The following SAMD12 variants were observed in gnomAD, a reference collection of about 807,000 sequenced individuals.
SAMD12 encodes the protein sterile alpha motif domain containing 12.
Under a neutral mutation model 15.0 loss-of-function variants are expected in SAMD12, and 9 were observed. The ratio of observed to expected loss-of-function variants is 0.60; its 90% CI spans 0.36 to 1.05. SAMD12 has a LOEUF of 1.05. Ranked by LOEUF, SAMD12 falls within the 50% of genes least tolerant of loss-of-function variation. SAMD12 has a pLI of 0.01. For synonymous variants in SAMD12, 86 were observed against 90.1 expected (o/e 0.96, Z 0.25); for missense variants, 230 against 234.2 (o/e 0.98, Z 0.12).
chr8:118,512,213 A>G (rs960385627), intron 2 of SAMD12, among the ~76,000 whole-genome samples: 47 of 152,198 alleles, frequency 3.1e-4, no homozygotes, highest in African/African-American at 1.1e-3. Flanking sequence ...AACTTCCAGG[A>G]AAGAGACATT....
chr8:118,344,921 C>T (rs1048464081), intron 4 of SAMD12, among the ~76,000 whole-genome samples: 1 of 152,108 alleles, frequency 6.6e-6, no homozygotes, highest in Non-Finnish European at 1.5e-5. Context: ...TGTAACATTA[C>T]AGTACTATTA....
chr8:118,210,765 C>T (rs1425138234), intron 4 of SAMD12, among the ~76,000 whole-genome samples: 1 of 152,114 alleles, frequency 6.6e-6, no homozygotes, highest in African/African-American at 2.4e-5. Context: ...ATCCTTCTGC[C>T]CAAATTCTAC....
intron 4 of SAMD12, among the ~76,000 whole-genome samples, chr8:118,366,581 G>C (rs993778170): frequency 6.6e-6 from 1 of 152,066 alleles, no homozygotes; most frequent in Non-Finnish European, 1.5e-5. Flanking sequence ...GGGAGGCCAA[G>C]GTGGGTGGAT....
intron 1 of SAMD12, among the ~76,000 whole-genome samples, chr8:118,593,641 G>A (rs1245828107): frequency 1.3e-5 from 2 of 152,138 alleles, no homozygotes; most frequent in Admixed American, 1.3e-4. Context: ...ATTGAATAGT[G>A]CAAGTTTGAA....
chr8:118,320,816 T>TAAAAA (rs200542019), intron 4 of SAMD12, among the ~76,000 whole-genome samples: 1 of 146,676 alleles, frequency 6.8e-6, no homozygotes, highest in African/African-American at 2.5e-5. Context: ...TAAAGTATAA[T>TAAAAA]AAAAATATAT....
At chr8:118,432,635 G>A (rs974969123) in intron 3 of SAMD12, among the ~76,000 whole-genome samples, 2 of 152,132 alleles carry the variant, frequency 1.3e-5, no homozygotes, top group Non-Finnish European at 2.9e-5. Context: ...CTAGAGATGA[G>A]ATACTCAACC....
intron 4 of SAMD12, chr8:118,291,107 A>C (rs1814340227): frequency 6.6e-6 from 1 of 152,230 alleles, no homozygotes; most frequent in Admixed American, 6.5e-5. Context: ...GAAAATGTTA[A>C]AAGTCTTTTC....
At chr8:118,486,217 A>G (rs1253544391) in intron 2 of SAMD12, among the ~76,000 whole-genome samples, 1 of 152,190 alleles carries the variant, frequency 6.6e-6, no homozygotes, top group East Asian at 1.9e-4. Flanking sequence ...GATAGAGACC[A>G]TCCTGGCTAA....
chr8:118,257,723 G>A (rs1812983670), intron 4 of SAMD12, among the ~76,000 whole-genome samples: 2 of 151,982 alleles, frequency 1.3e-5, no homozygotes, highest in African/African-American at 2.4e-5. Flanking sequence ...CTTCTTTCTC[G>A]AGGGGAAGGC....
chr8:118,576,970 T>C (rs558127855), intron 2 of SAMD12, among the ~76,000 whole-genome samples: 13 of 152,332 alleles, frequency 8.5e-5, no homozygotes, highest in Non-Finnish European at 1.3e-4. Context: ...TATAAAGCTA[T>C]GTAAACATAG....
At chr8:118,608,855 G>C (rs1007246267) in intron 1 of SAMD12, among the ~76,000 whole-genome samples, 3 of 152,118 alleles carry the variant, frequency 2.0e-5, no homozygotes, top group African/African-American at 7.2e-5. Context: ...AAGACAGGAG[G>C]GGTCCAAGGT....
intron 4 of SAMD12, among the ~76,000 whole-genome samples, chr8:118,279,796 C>A (rs1813566795): frequency 6.6e-6 from 1 of 152,216 alleles, no homozygotes; most frequent in Non-Finnish European, 1.5e-5. Context: ...TCTTGTTTCC[C>A]ATACATCTGA....
intron 4 of SAMD12, among the ~76,000 whole-genome samples, chr8:118,206,588 A>G (rs1453415831): frequency 6.6e-6 from 1 of 152,228 alleles, no homozygotes; most frequent in African/African-American, 2.4e-5. Context: ...CAGGGGTTGA[A>G]GAGTCTCCAA....
At chr8:118,194,660 A>T (rs1422313808) in exon 5 of SAMD12, 1 of 152,218 alleles carries the variant, frequency 6.6e-6, no homozygotes, top group Non-Finnish European at 1.5e-5. Flanking sequence ...ACATAAAAAT[A>T]TGTATCCTTT....
At chr8:118,382,218 C>CCCT (rs1819710135) in intron 3 of SAMD12, among the ~76,000 whole-genome samples, 1 of 152,180 alleles carries the variant, frequency 6.6e-6, no homozygotes, top group South Asian at 2.1e-4. Context: ...ATGTAGATCA[C>CCCT]CCTCCCTCCT....
intron 3 of SAMD12, among the ~76,000 whole-genome samples, chr8:118,389,144 G>A (rs1208131346): frequency 2.0e-5 from 3 of 152,360 alleles, no homozygotes; most frequent in Middle Eastern, 3.4e-3. Context: ...CTATCATGGT[G>A]TAAGTGGGTA....
At chr8:118,230,712 G>A (rs1321119216) in intron 4 of SAMD12, among the ~76,000 whole-genome samples, 1 of 152,030 alleles carries the variant, frequency 6.6e-6, no homozygotes, top group African/African-American at 2.4e-5. Flanking sequence ...AGGGCTCCAG[G>A]CAGAGAAAAT....
intron 2 of SAMD12, among the ~76,000 whole-genome samples, chr8:118,549,928 G>T (rs1354720083): frequency 6.6e-6 from 1 of 152,156 alleles, no homozygotes; most frequent in African/African-American, 2.4e-5. Flanking sequence ...AAGGGTATCA[G>T]CAATGGAAGA....
chr8:118,370,806 G>A (rs1240923342), intron 4 of SAMD12, among the ~76,000 whole-genome samples: 1 of 152,130 alleles, frequency 6.6e-6, no homozygotes, highest in African/African-American at 2.4e-5. Context: ...AGGGGAGGGA[G>A]AGCATCAGGA....
Sources: allele counts gnomAD v4.1 joint callset (sites outside exome capture counted in the v4.1 genomes callset), GRCh38; gene constraint gnomAD v4.1.1; transcripts MANE v1.5; gene names NCBI Gene and HGNC (gene_info 2026-07-23, HGNC 2026-07-21).